The following TMEM178B variants were observed in gnomAD, a reference collection of about 807,000 sequenced individuals.
The protein encoded by TMEM178B is transmembrane protein 178B.
A neutral mutation model predicts 31.0 loss-of-function variants in TMEM178B; 5 were observed. The observed-to-expected ratio is 0.16, with a 90% CI of 0.08 to 0.34. The LOEUF is 0.34. Among genes scored for constraint, TMEM178B ranks in the 10% least tolerant of loss-of-function variants. The pLI is 1.00. For synonymous variants in TMEM178B, 164 were observed against 164.0 expected, an observed-to-expected ratio of 1.00 and a Z score of 0.00; for missense variants, 275 against 400.3, an observed-to-expected ratio of 0.69 and a Z score of 2.67.
intron 2 of TMEM178B, among the ~76,000 whole-genome samples, chr7:141,300,165 A>T (rs1440408473): frequency 6.6e-6 from 1 of 152,204 alleles, no homozygotes; most frequent in Non-Finnish European, 1.5e-5. Flanking sequence ...TCGTGGAGCC[A>T]TCAGGAGGAG....
chr7:141,495,876 C>T, the TMEM178B span, among the ~76,000 whole-genome samples: 1 of 152,228 alleles, frequency 6.6e-6, no homozygotes, highest in Admixed American at 6.5e-5. Flanking sequence ...TGTCCTTAGA[C>T]ACAGTTGAGA....
rs2129169974 is a variant in TMEM178B, at chr7:141,074,251, C to CGGCGAGGGAA, written c.-52_-43dup. The CGGCGAGGGAA allele has an allele frequency of 2.8e-6, 4 of 1,449,936 alleles. No homozygotes were observed. In the Admixed American group the frequency reaches 1.0e-4, roughly 37 times the overall value. 89.8% of individuals were successfully genotyped at this position (1,449,936 alleles called of 1,614,324 possible). ...GCCGCCCGCCGCTTTGTTCCGGGTG[C>CGGCGAGGGAA]GGCGAGGGAAGGCGAGGCTGCGGCG... On this transcript the variant is annotated 5_prime_UTR_variant, in exon 1 of 4. Coordinates refer to ENST00000565468, the MANE Select transcript of TMEM178B (RefSeq NM_001195278.2). This position sits in a 1 kb window ranked among gnomAD's most constrained non-coding sequence, Gnocchi z 5.1.
intron 2 of TMEM178B, among the ~76,000 whole-genome samples, chr7:141,233,983 T>C (rs1232413689): frequency 5.3e-5 from 8 of 152,242 alleles, no homozygotes; most frequent in Admixed American, 5.2e-4. Flanking sequence ...CAAAGTTGGA[T>C]AACTTCTGTC....
chr7:141,332,413 G>A (rs1021415568), intron 2 of TMEM178B, among the ~76,000 whole-genome samples: 6 of 152,160 alleles, frequency 3.9e-5, no homozygotes, highest in South Asian at 2.1e-4. Flanking sequence ...AACATGCTCC[G>A]TTGAAGAATT....
At chr7:141,428,087 ACTGT>A (rs996004364) in intron 2 of TMEM178B, among the ~76,000 whole-genome samples, 11 of 152,184 alleles carry the variant, frequency 7.2e-5, no homozygotes, top group African/African-American at 2.7e-4. Context: ...TCAGTTGTTA[ACTGT>A]CTCTCTATTA....
Position 141,292,529 on chromosome 7 carries a change from C to T in TMEM178B, c.496+79825C>T, listed in dbSNP as rs143014506. The stretch of plus-strand genomic sequence containing the variant: ...CACACATGTCCTGAAAGTCATTGGC[C>T]GGGAGCCCATGTTCTCGCATCACTA... On this transcript the variant is annotated intron_variant, in intron 2 of 3. Transcript: ENST00000565468. 3.4e-4 allele frequency among the ~76,000 whole-genome samples: 52 copies of T among 152,120 alleles called. No individual in the cohort carries two copies. The East Asian group carries it at 8.9e-3, about 26-fold the overall frequency.
chr7:141,336,051 C>CT (rs763820468), intron 2 of TMEM178B, among the ~76,000 whole-genome samples: 2 of 152,192 alleles, frequency 1.3e-5, no homozygotes, highest in Non-Finnish European at 2.9e-5. Context: ...GTTTGACAGT[C>CT]TTTTCAACTG....
intron 1 of TMEM178B, among the ~76,000 whole-genome samples, chr7:141,167,267 A>C (rs573961749): frequency 4.6e-5 from 7 of 152,358 alleles, no homozygotes; most frequent in African/African-American, 1.7e-4. Flanking sequence ...GACTTAAGAA[A>C]TCGCCTCTTC....
intron 2 of TMEM178B, among the ~76,000 whole-genome samples, chr7:141,332,833 C>T (rs1799320037): frequency 6.6e-6 from 1 of 152,166 alleles, no homozygotes; most frequent in African/African-American, 2.4e-5. Flanking sequence ...AATTAAATTC[C>T]AGACTCACCA....
chr7:141,318,347 G>A lies in TMEM178B; in HGVS notation c.496+105643G>A, dbSNP rs957265766. 6.6e-6 allele frequency among the ~76,000 whole-genome samples: 1 copy of A among 152,316 alleles called. No individual in the cohort carries two copies. Among genetic ancestry groups the A allele is most frequent in the East Asian group, 1.9e-4 (1 of 5,188 alleles). ...GAATGGGGCTGCGAAATCAATAATT[G>A]GGTGTTTTAATGCTACAAAGCTTGG... On this transcript the variant is annotated intron_variant, in intron 2 of 3. Transcript: ENST00000565468. The surrounding 1 kb of genome is among the most constrained non-coding windows in gnomAD (Gnocchi z 4.1).
chr7:141,210,146 CATGCCTCCACTTTCTCATTAAAAA>C (rs1282339837), intron 1 of TMEM178B, among the ~76,000 whole-genome samples: 1 of 152,118 alleles, frequency 6.6e-6, no homozygotes, highest in East Asian at 1.9e-4. Flanking sequence ...TTAATCTCCT[CATGCCTCCACTTTCTCATTAAAAA>C]ATAGGGATGA....
chr7:141,441,549 G>T (rs1458618927), intron 3 of TMEM178B, among the ~76,000 whole-genome samples: 1 of 152,204 alleles, frequency 6.6e-6, no homozygotes, highest in Non-Finnish European at 1.5e-5. Flanking sequence ...GGTTAAAATG[G>T]GGCTACAAGT....
chr7:141,161,135 A>G (rs192464521), intron 1 of TMEM178B, among the ~76,000 whole-genome samples: 7 of 152,320 alleles, frequency 4.6e-5, no homozygotes, highest in South Asian at 2.1e-4. Flanking sequence ...GATTACAGGC[A>G]CGAACCACTG....
intron 2 of TMEM178B, among the ~76,000 whole-genome samples, chr7:141,335,048 A>G (rs1563154614): frequency 6.6e-6 from 1 of 152,220 alleles, no homozygotes; most frequent in Non-Finnish European, 1.5e-5. Flanking sequence ...TGCCAAATCA[A>G]TAGCAGACAA....
chr7:141,502,284 G>GTCA, the TMEM178B span, among the ~76,000 whole-genome samples: 5 of 128,516 alleles, frequency 3.9e-5, no homozygotes, highest in South Asian at 1.0e-3. Flanking sequence ...TCCTGCTAGT[G>GTCA]TTCCAGTGAC....
At chr7:141,394,217 C>T (rs1462896231) in intron 2 of TMEM178B, among the ~76,000 whole-genome samples, 5 of 152,212 alleles carry the variant, frequency 3.3e-5, no homozygotes, top group Admixed American at 6.5e-5. Flanking sequence ...GGAAAGAATG[C>T]GTCACCTCCG....
chr7:141,096,110 C>T (rs890027320), intron 1 of TMEM178B, among the ~76,000 whole-genome samples: 1 of 152,222 alleles, frequency 6.6e-6, no homozygotes, highest in African/African-American at 2.4e-5. Flanking sequence ...TCATAACTGG[C>T]ATTCTTCCAG....
At chr7:141,390,122 AG>A (rs1800507784) in intron 2 of TMEM178B, among the ~76,000 whole-genome samples, 1 of 150,552 alleles carries the variant, frequency 6.6e-6, no homozygotes, top group African/African-American at 2.5e-5. Context: ...TTAAAAAAAA[AG>A]AGAAAGAAAG....
intron 1 of TMEM178B, among the ~76,000 whole-genome samples, chr7:141,158,502 G>A (rs1796112732): frequency 6.6e-6 from 1 of 152,186 alleles, no homozygotes; most frequent in Admixed American, 6.5e-5. Context: ...GAACACAATA[G>A]GTGCTTAGTA....
Sources: gnomAD v4.1 joint callset for allele counts (sites outside exome capture counted in the v4.1 genomes callset) on GRCh38, gnomAD v4.1.1 for gene constraint, Gnocchi (gnomAD v3.1) non-coding constraint, MANE v1.5 for transcripts, NCBI Gene and HGNC (gene_info 2026-07-23, HGNC 2026-07-21) for gene names.